WEE2: variants seen among roughly 807,000 people sequenced by gnomAD.
WEE2 encodes WEE2 oocyte meiosis inhibiting kinase, also known as wee1-like protein kinase 2.
WEE2 carries 50 observed loss-of-function variants against 60.1 expected under a neutral mutation model. The observed-to-expected ratio is 0.83, with a 90% CI of 0.66 to 1.05. The LOEUF (loss-of-function observed/expected upper bound fraction) is 1.05, where lower values mean the gene tolerates loss of function less well. Ranked by LOEUF, WEE2 falls within the 50% of genes least tolerant of loss-of-function variation. The probability of loss-of-function intolerance (pLI) is 0.00; values close to 1 mark genes in which losing one functional copy is unlikely to be tolerated. For synonymous variants in WEE2, 240 were observed against 241.0 expected (o/e 1.00, Z 0.04); for missense variants, 631 against 684.3 (o/e 0.92, Z 0.87).
chr7:141,729,551 A>G lies in WEE2; in HGVS notation c.1556A>G (p.Gln519Arg). ...TLERELREAQQAQSPQGYTHH... is the reference protein window; with the variant it reads ...TLERELREAQRAQSPQGYTHH... ...TTCAGGGAACTGAGAGAAGCCCAGC[A>G]GGCCCAGTCACCCCAGGGATATACC... The change falls in exon 11 of 12, where the codon CAG becomes CGG. Residue 519 changes from glutamine to arginine, a missense_variant. Coordinates refer to ENST00000397541, the MANE Select transcript of WEE2 (RefSeq NM_001105558.1). The G allele has an allele frequency of 6.2e-7, 1 of 1,614,202 alleles. No homozygotes were observed. Among genetic ancestry groups the G allele is most frequent in the Non-Finnish European group, 8.5e-7 (1 of 1,180,012 alleles).
chr7:141,720,960 G>A lies in WEE2; in HGVS notation c.784G>A (p.Ala262Thr). 6.2e-7 allele frequency: 1 copy of A among 1,613,962 alleles called. No individual in the cohort carries two copies. Among genetic ancestry groups the A allele is most frequent in the Non-Finnish European group, 8.5e-7 (1 of 1,179,852 alleles). The part of the protein sequence containing the change: ...NENSALHEVY[A>T]HAVLGHHPHV... ...GAATTCGGCTTTGCATGAAGTTTAT[G>A]CTCACGCAGTGCTTGGGCATCACCC... is the stretch of plus-strand genomic sequence containing the variant. Residue 262 changes from alanine (A) to threonine (T), a missense_variant, in exon 5 of 12, where the codon GCT becomes ACT. Ala to Thr is a moderately conservative substitution (Grantham distance 58, BLOSUM62 0). Coordinates refer to ENST00000397541, the MANE Select transcript of WEE2 (RefSeq NM_001105558.1).
chr7:141,708,989 A>G lies in WEE2; in HGVS notation c.231A>G (p.Pro77=). ...CTTCGGAAAAAGACAAAGAAAGTCC[A>G]GATCAGATTTTGAGGACTCCAGTGT... The part of the protein sequence containing the change: ...DTSSEKDKES[P]DQILRTPVSH... The change falls in exon 1 of 12, where the codon CCA becomes CCG. Residue 77 remains proline, a synonymous_variant. Transcript: ENST00000397541. 6.2e-7 allele frequency: 1 copy of G among 1,614,164 alleles called. No homozygotes were observed. The highest frequency in any genetic ancestry group is 8.5e-7 in the Non-Finnish European group (1 of 1,180,022).
chr7:141,719,115 A>G lies in WEE2; in HGVS notation c.629A>G (p.Lys210Arg). 6.2e-7 allele frequency: 1 copy of G among 1,614,070 alleles called. No individual in the cohort carries two copies. Among genetic ancestry groups the G allele is most frequent in the Non-Finnish European group, 8.5e-7 (1 of 1,179,980 alleles). Reference sequence around the variant, plus strand: ...ACCAACATGGCTTCCCGCTATGAAAAAGAATTCTTGGAGGTTGAAAAAATT... The same window carrying G: ...ACCAACATGGCTTCCCGCTATGAAAGAGAATTCTTGGAGGTTGAAAAAATT... ...RETNMASRYE[K>R]EFLEVEKIGV... The change falls in exon 4 of 12, where the codon AAA (lysine) becomes AGA (arginine). Residue 210 changes from lysine to arginine, a missense_variant. Lys to Arg is a conservative substitution (Grantham distance 26). Transcript: ENST00000397541.
At chr7:141,720,416 C>T (rs1467319065) in intron 4 of WEE2, among the ~76,000 whole-genome samples, 1 of 152,102 alleles carries the variant, frequency 6.6e-6, no homozygotes, top group Non-Finnish European at 1.5e-5. Flanking sequence ...CTCCCCAAGG[C>T]TATTCCTGTG....
At chr7:141,717,948 A>C (rs1453055661) in intron 3 of WEE2, among the ~76,000 whole-genome samples, 1 of 152,098 alleles carries the variant, frequency 6.6e-6, no homozygotes, top group Non-Finnish European at 1.5e-5. Context: ...AAGAGTTTGA[A>C]TTTCTCATGG....
At chr7:141,722,927 C>T (rs939042955) in intron 5 of WEE2, among the ~76,000 whole-genome samples, 1 of 152,176 alleles carries the variant, frequency 6.6e-6, no homozygotes, top group Non-Finnish European at 1.5e-5. Flanking sequence ...CCGAAGTAAT[C>T]TATTCGTTGG....
At chr7:141,720,267 T>G (rs1214531440) in intron 4 of WEE2, among the ~76,000 whole-genome samples, 1 of 148,252 alleles carries the variant, frequency 6.7e-6, no homozygotes, top group Non-Finnish European at 1.5e-5. Context: ...GTGATTCTCC[T>G]GCCTTAGCCT....
intron 1 of WEE2, among the ~76,000 whole-genome samples, chr7:141,710,651 C>T (rs183465042): frequency 5.3e-4 from 81 of 152,284 alleles, no homozygotes; most frequent in African/African-American, 1.9e-3. Context: ...TGAGAGATGT[C>T]TTAAAGGATA....
At position 141,708,456 on chromosome 7, in the gene WEE2, A is replaced by G. The variant is rs373176969; in HGVS notation, c.-303A>G. On this transcript the variant is annotated 5_prime_UTR_variant, in exon 1 of 12. The change abolishes an upstream ATG in the 5' untranslated region. Transcript: ENST00000397541. ...TTTTCTCACTAGTATTTGGTAACAC[A>G]TGGGAGACTATGTGTCATATCCAGA... 5.5e-6 allele frequency: 2 copies of G among 361,534 alleles called. No individual in the cohort carries two copies. Among genetic ancestry groups the G allele is most frequent in the Non-Finnish European group, 1.0e-5 (2 of 200,212 alleles). The allele number at this position is 361,534 out of a possible 1,614,324, so 22.4% of individuals were successfully genotyped here. A position where few individuals can be genotyped will look rare whatever the true frequency, so the allele number is the denominator to read the frequency against.
chr7:141,729,736 C>T (rs759170362), intron 11 of WEE2, 63 bp downstream of exon 11: 1 of 1,549,132 alleles, frequency 6.5e-7, no homozygotes, highest in Non-Finnish European at 8.7e-7. Context: ...CGCCTGTAAT[C>T]CCAACACTTT....
In WEE2 at chr7:141,711,335, G is replaced by A. The variant is rs1285462405; in HGVS notation, c.342+2235G>A. 2.0e-5 allele frequency among the ~76,000 whole-genome samples: 3 copies of A among 152,184 alleles called. No homozygotes were observed. The East Asian group carries it at 5.8e-4, about 29-fold the overall frequency. On this transcript the variant is annotated intron_variant, in intron 1 of 11. Transcript: ENST00000397541. This position sits in a 1 kb window ranked among gnomAD's most constrained non-coding sequence, Gnocchi z 4.2. ...GGCCCAGTTAGAAATCTTGGATAAT[G>A]CATTTAAGGGAGAGGCAGAGAACAG...
intron 1 of WEE2, 111 bp from the exon 2 acceptor site, chr7:141,714,098 T>C (rs114610317): frequency 2.2e-6 from 2 of 897,588 alleles, no homozygotes; most frequent in African/African-American, 3.3e-5. Context: ...CCAGATAATT[T>C]CTAAGGCCCC....
At position 141,719,105 on chromosome 7, in the gene WEE2, C is replaced by T. The variant is rs200326581; in HGVS notation, c.619C>T (p.Arg207Cys). The stretch of plus-strand genomic sequence containing the variant: ...TTTACGAGAAACCAACATGGCTTCC[C>T]GCTATGAAAAAGAATTCTTGGAGGT... ...CVLRETNMAS[R>C]YEKEFLEVEK... Residue 207 changes from arginine to cysteine, a missense_variant, in exon 4 of 12, where the codon CGC becomes TGC. Coordinates refer to ENST00000397541, the MANE Select transcript of WEE2 (RefSeq NM_001105558.1). 8.3e-5 allele frequency: 134 copies of T among 1,613,698 alleles called. No individual in the cohort carries two copies. The highest frequency in any genetic ancestry group is 5.8e-5 in the Non-Finnish European group (68 of 1,179,936).
chr7:141,714,025 A>G (rs1798751325), intron 1 of WEE2, among the ~76,000 whole-genome samples, 184 bp from the exon 2 acceptor site: 1 of 152,214 alleles, frequency 6.6e-6, no homozygotes. Flanking sequence ...ATCTAGAGGT[A>G]GAGACTGGGA....
Position 141,714,270 on chromosome 7 carries a change from A to G in WEE2, c.404A>G (p.His135Arg), listed in dbSNP as rs544046525. The G allele has an allele frequency of 6.2e-7, 1 of 1,613,910 alleles. No homozygotes were observed. Among genetic ancestry groups the G allele is most frequent in the Non-Finnish European group, 8.5e-7 (1 of 1,179,872 alleles). ...TGKLPSRGPKHLKLTPAPLKD... is the reference protein window; with the variant it reads ...TGKLPSRGPKRLKLTPAPLKD... The stretch of plus-strand genomic sequence containing the variant: ...AAGCTTCCTTCCAGAGGCCCTAAGC[A>G]TTTGAAGCTCACACCTGCTCCCCTC... The change falls in exon 2 of 12, where the codon CAT (histidine) becomes CGT (arginine). Residue 135 changes from histidine (H) to arginine (R), a missense_variant. His to Arg is a conservative substitution (Grantham distance 29). Coordinates refer to ENST00000397541, the MANE Select transcript of WEE2 (RefSeq NM_001105558.1).
At chr7:141,727,249 G>C (rs1162537585) in intron 9 of WEE2, 55 bp from the exon 10 acceptor site, 2 of 1,566,934 alleles carry the variant, frequency 1.3e-6, no homozygotes, top group African/African-American at 1.4e-5. Context: ...TGAATGGGAA[G>C]ATTTTTCCCA....
At chr7:141,709,457 A>G (rs568219849) in intron 1 of WEE2, among the ~76,000 whole-genome samples, 2 of 152,326 alleles carry the variant, frequency 1.3e-5, no homozygotes, top group South Asian at 4.1e-4. Flanking sequence ...GGCCCAAGAC[A>G]GAAACTGTCT....
At chr7:141,724,086 C>G (rs757353305) in intron 7 of WEE2, 38 bp downstream of exon 7, 1 of 1,575,316 alleles carries the variant, frequency 6.3e-7, no homozygotes, top group East Asian at 2.2e-5. Context: ...TACCATTATC[C>G]TATAAAATTT....
intron 11 of WEE2, among the ~76,000 whole-genome samples, chr7:141,730,074 C>T (rs999205996): frequency 6.6e-6 from 1 of 151,526 alleles, no homozygotes. Context: ...GCTGTCCCAA[C>T]CTTCCTCTTA....
Sources: allele counts gnomAD v4.1 joint callset (sites outside exome capture counted in the v4.1 genomes callset), GRCh38; gene constraint gnomAD v4.1.1; non-coding constraint Gnocchi (gnomAD v3.1); transcripts MANE v1.5; gene names NCBI Gene and HGNC (gene_info 2026-07-23, HGNC 2026-07-21).